PRSS3: variants seen among roughly 807,000 people sequenced by gnomAD.
PRSS3 encodes the protein trypsin-3.
PRSS3 carries 14 observed loss-of-function variants against 20.8 expected under a neutral mutation model. The observed-to-expected ratio is 0.67, with a 90% CI of 0.44 to 1.05. The LOEUF (loss-of-function observed/expected upper bound fraction) is 1.05, where lower values mean the gene tolerates loss of function less well. Among genes scored for constraint, PRSS3 ranks in the 50% least tolerant of loss-of-function variants. The probability of loss-of-function intolerance (pLI) is 0.00; values close to 1 mark genes in which losing one functional copy is unlikely to be tolerated. For synonymous variants in PRSS3, 91 were observed against 117.6 expected (o/e 0.77, Z 1.46); for missense variants, 237 against 306.4 (o/e 0.77, Z 1.69).
At chr9:33,754,883 G>T (rs1236453093) in intron 1 of PRSS3, among the ~76,000 whole-genome samples, 1 of 152,174 alleles carries the variant, frequency 6.6e-6, no homozygotes, top group Non-Finnish European at 1.5e-5. Context: ...AGGCAGGGGG[G>T]AGAATGAACA....
rs1203678992 is a variant in PRSS3, at chr9:33,796,799, A to T, written c.197A>T (p.Lys66Met). 1 of 1,613,996 alleles carries T rather than the reference A, an allele frequency of 6.2e-7. No homozygotes were observed. The highest frequency in any genetic ancestry group is 2.2e-5 in the East Asian group (1 of 44,874). The change falls in exon 2 of 5, where the codon AAG becomes ATG. Residue 66 changes from lysine (K) to methionine (M), a missense_variant. Coordinates refer to ENST00000379405, the MANE Select transcript of PRSS3 (RefSeq NM_002771.4). ...GTGGTATCAGCAGCTCACTGCTACA[A>T]GACGTAAGTGTGGGGCCCCTGACTG... ...QWVVSAAHCY[K>M]TRIQVRLGEH...
At chr9:33,772,658 T>G (rs1361418282) in intron 1 of PRSS3, among the ~76,000 whole-genome samples, 1 of 152,160 alleles carries the variant, frequency 6.6e-6, no homozygotes, top group Non-Finnish European at 1.5e-5. Context: ...CTGGGATACC[T>G]CCAATTCATT....
chr9:33,762,794 C>T (rs993964415), intron 1 of PRSS3, among the ~76,000 whole-genome samples: 5 of 152,206 alleles, frequency 3.3e-5, no homozygotes, highest in African/African-American at 9.6e-5. Context: ...AAGCAAAGAA[C>T]AGCAACTTTA....
chr9:33,758,120 C>T (rs761960168), intron 1 of PRSS3, among the ~76,000 whole-genome samples: 2 of 152,152 alleles, frequency 1.3e-5, no homozygotes, highest in Admixed American at 6.5e-5. Flanking sequence ...TGTCTTTGAT[C>T]GGCCTCTACT....
intron 1 of PRSS3, among the ~76,000 whole-genome samples, chr9:33,770,110 A>G (rs1030153266): frequency 2.0e-5 from 3 of 150,734 alleles, no homozygotes; most frequent in Non-Finnish European, 4.4e-5. Context: ...GTGCCACTGC[A>G]CTCCAGCCTG....
At chr9:33,753,374 A>G (rs1278974730) in intron 1 of PRSS3, among the ~76,000 whole-genome samples, 2 of 152,232 alleles carry the variant, frequency 1.3e-5, no homozygotes, top group Non-Finnish European at 2.9e-5. Flanking sequence ...AAAAAAATAA[A>G]GCAAGTACCT....
intron 1 of PRSS3, among the ~76,000 whole-genome samples, chr9:33,789,191 C>T (rs1824529349): frequency 6.6e-6 from 1 of 152,110 alleles, no homozygotes; most frequent in African/African-American, 2.4e-5. Context: ...TGGCCTATTT[C>T]CTTGGGCATT....
chr9:33,792,590 T>A (rs567846921), upstream of PRSS3, among the ~76,000 whole-genome samples: 6 of 152,226 alleles, frequency 3.9e-5, no homozygotes, highest in Non-Finnish European at 7.3e-5. Flanking sequence ...GAATGCCCTA[T>A]GGCAGAGCAT....
intron 1 of PRSS3, among the ~76,000 whole-genome samples, chr9:33,784,558 T>C (rs1197552801): frequency 2.0e-5 from 3 of 152,256 alleles, no homozygotes; most frequent in Non-Finnish European, 2.9e-5. Context: ...AAATTGTTTT[T>C]CACAATTCTA....
upstream of PRSS3, among the ~76,000 whole-genome samples, chr9:33,793,123 T>C (rs890768621): frequency 1.3e-5 from 2 of 152,050 alleles, no homozygotes; most frequent in Non-Finnish European, 2.9e-5. Context: ...CGCAAAATAC[T>C]GGAGAAGGCT....
chr9:33,775,665 CAACT>C (rs1823888383), intron 1 of PRSS3, among the ~76,000 whole-genome samples: 1 of 150,012 alleles, frequency 6.7e-6, no homozygotes, highest in Non-Finnish European at 1.5e-5. Context: ...CCACACAGAT[CAACT>C]AACAGGGGCT....
At chr9:33,788,660 A>G (rs1824508721) in intron 1 of PRSS3, among the ~76,000 whole-genome samples, 1 of 152,194 alleles carries the variant, frequency 6.6e-6, no homozygotes, top group South Asian at 2.1e-4. Context: ...ATTACAGTCT[A>G]ACCAAGTATG....
At chr9:33,752,482 C>G (rs1195462238) in intron 1 of PRSS3, among the ~76,000 whole-genome samples, 1 of 152,224 alleles carries the variant, frequency 6.6e-6, no homozygotes, top group Non-Finnish European at 1.5e-5. Context: ...ATTAAAGTCA[C>G]TAGTGTGTCA....
At chr9:33,750,688 G>A, upstream of PRSS3, 1 of 1,452,496 alleles carries the variant, frequency 6.9e-7, no homozygotes, top group Non-Finnish European at 9.0e-7. The surrounding 1 kb of genome is among the most constrained non-coding windows in gnomAD (Gnocchi z 4.8). Flanking sequence ...CACTTGGCGA[G>A]CGGCGCGGGA....
chr9:33,798,888 A>G, intron 4 of PRSS3, 140 bp from the exon 5 acceptor site: 1 of 1,223,932 alleles, frequency 8.2e-7, no homozygotes, highest in South Asian at 1.4e-5. Context: ...CTGCTTAGGA[A>G]GAACAGAGAA....
At chr9:33,768,061 G>A (rs575162369) in intron 1 of PRSS3, among the ~76,000 whole-genome samples, 2 of 152,350 alleles carry the variant, frequency 1.3e-5, no homozygotes, top group South Asian at 2.1e-4. Context: ...ACAGATTTGG[G>A]TACCAAGAAA....
chr9:33,769,903 C>T (rs779755211), intron 1 of PRSS3, among the ~76,000 whole-genome samples: 6 of 152,210 alleles, frequency 3.9e-5, no homozygotes, highest in South Asian at 4.1e-4. Flanking sequence ...CGGTGGCTCA[C>T]GCCTGTAATC....
At chr9:33,771,315 CT>C (rs540273522) in intron 1 of PRSS3, among the ~76,000 whole-genome samples, 236 of 143,524 alleles carry the variant, frequency 1.6e-3, no homozygotes, top group Admixed American at 2.0e-3. Context: ...GTTTCTTTTC[CT>C]TTTTTTTTTT....
rs61678518 is a variant in PRSS3 at position 33,760,745 on chromosome 9, CAAAAAA to C, written c.-53+10034_-53+10039del. Among the ~76,000 whole-genome samples the C allele has an allele frequency of 1.2e-4, 12 of 101,402 alleles. 1 individual carries two copies. The highest frequency in any genetic ancestry group is 8.2e-4 in the East Asian group (3 of 3,668). 66.5% of individuals were successfully genotyped at this position (101,402 alleles called of 152,430 possible). A position where few individuals can be genotyped will look rare whatever the true frequency, so the allele number is the denominator to read the frequency against. On this transcript the variant is annotated intron_variant, in intron 1 of 5. Transcript: ENST00000342836. ...TGGGGGACACAGCAAGACTCTGTCA[CAAAAAA>C]AAAAAAAAAAAAAAATTAGGACCCT...
Sources: allele counts gnomAD v4.1 joint callset (sites outside exome capture counted in the v4.1 genomes callset), GRCh38; gene constraint gnomAD v4.1.1; non-coding constraint Gnocchi (gnomAD v3.1); transcripts MANE v1.5; gene names NCBI Gene and HGNC (gene_info 2026-07-23, HGNC 2026-07-21).